HNRNPC: variants seen among roughly 807,000 people sequenced by gnomAD.
HNRNPC encodes heterogeneous nuclear ribonucleoproteins C1/C2.
Under a neutral mutation model 33.2 loss-of-function variants are expected in HNRNPC, and 3 were observed. The ratio of observed to expected loss-of-function variants is 0.09; its 90% CI spans 0.04 to 0.23. HNRNPC has a LOEUF of 0.23. Among genes scored for constraint, HNRNPC ranks in the 10% least tolerant of loss-of-function variants. The probability of loss-of-function intolerance (pLI) is 1.00; values close to 1 mark genes in which losing one functional copy is unlikely to be tolerated. For synonymous variants in HNRNPC, 121 were observed against 126.7 expected (o/e 0.96, Z 0.30); for missense variants, 143 against 366.7 (o/e 0.39, Z 4.98).
intron 1 of HNRNPC, chr14:21,264,885 T>C (rs569403899): frequency 6.6e-6 from 1 of 152,038 alleles, no homozygotes; most frequent in South Asian, 2.1e-4. Flanking sequence ...TAGCAGGGTG[T>C]GGTAGCCTGA....
At chr14:21,211,971 A>G in intron 6 of HNRNPC, 48 bp from the exon 7 acceptor site, 1 of 1,433,824 alleles carries the variant, frequency 7.0e-7, no homozygotes, top group Non-Finnish European at 9.8e-7. Flanking sequence ...TACCGAAGAT[A>G]TGAGTTAGCA....
At chr14:21,233,128 A>G (rs1894299458) in intron 3 of HNRNPC, among the ~76,000 whole-genome samples, 1 of 152,216 alleles carries the variant, frequency 6.6e-6, no homozygotes, top group Non-Finnish European at 1.5e-5. Flanking sequence ...CTCATTTACA[A>G]TTCTGACTTT....
chr14:21,219,108 C>CAA (rs555837563), intron 5 of HNRNPC, among the ~76,000 whole-genome samples: 3,125 of 96,298 alleles, frequency 0.032, 106 homozygotes, highest in African/African-American at 0.088. Context: ...GACTCTTTCT[C>CAA]AAAAAAAAAA....
intron 2 of HNRNPC, among the ~76,000 whole-genome samples, chr14:21,257,346 G>A (rs1484289501): frequency 6.6e-6 from 1 of 151,686 alleles, no homozygotes; most frequent in Non-Finnish European, 1.5e-5. Context: ...AGTTTAACAT[G>A]TAACAGAAAC....
At chr14:21,226,070 C>A (rs372230478) in intron 5 of HNRNPC, among the ~76,000 whole-genome samples, 4 of 152,112 alleles carry the variant, frequency 2.6e-5, no homozygotes, top group African/African-American at 9.6e-5. Flanking sequence ...GTAATCCCAG[C>A]ACTTTGGGAG....
chr14:21,249,604 A>C (rs867802826), intron 2 of HNRNPC, among the ~76,000 whole-genome samples: 1 of 150,744 alleles, frequency 6.6e-6, no homozygotes, highest in Admixed American at 6.6e-5. Context: ...AAAAAAAAAA[A>C]AAAAAAAAAA....
rs1225752731 is a variant in HNRNPC at position 21,218,704 on chromosome 14, A to AAAAAAAAC, written c.366-5588_366-5587insGTTTTTTT. Among the ~76,000 whole-genome samples the AAAAAAAAC allele has an allele frequency of 1.5e-4, 21 of 136,876 alleles. 1 individual carries two copies. Among genetic ancestry groups the AAAAAAAAC allele is most frequent in the African/African-American group, 4.7e-4 (17 of 36,252 alleles). 89.8% of individuals were successfully genotyped at this position (136,876 alleles called of 152,430 possible). A position where few individuals can be genotyped will look rare whatever the true frequency, so the allele number is the denominator to read the frequency against. On this transcript the variant is annotated intron_variant, in intron 5 of 8. Transcript: ENST00000553300. ...CTCAAAAAAAAAAAAAAAAAAAAAA[A>AAAAAAAAC]AAAACTGAAATTGAGTCACATGCAG...
chr14:21,236,975 T>C (rs923883673), intron 2 of HNRNPC, among the ~76,000 whole-genome samples: 5 of 152,152 alleles, frequency 3.3e-5, no homozygotes, highest in African/African-American at 7.2e-5. Flanking sequence ...TGGAGAATAA[T>C]AGACTTAGAA....
intron 2 of HNRNPC, among the ~76,000 whole-genome samples, chr14:21,256,035 A>G (rs774432765): frequency 2.0e-5 from 3 of 152,232 alleles, no homozygotes; most frequent in Non-Finnish European, 4.4e-5. Context: ...GAAGCACAGT[A>G]TATTAACAGC....
At chr14:21,268,397 G>A (rs1245204764) in intron 1 of HNRNPC, among the ~76,000 whole-genome samples, 2 of 152,136 alleles carry the variant, frequency 1.3e-5, no homozygotes, top group Non-Finnish European at 2.9e-5. Context: ...AGCGCAATTT[G>A]GGAATTTCCA....
rs992829365 is a variant in HNRNPC, at chr14:21,211,869, T to C, written c.578A>G (p.Lys193Arg). 3.1e-6 allele frequency: 5 copies of C among 1,613,410 alleles called. No individual in the cohort carries two copies. In the African/African-American group the frequency reaches 5.3e-5, roughly 17 times the overall value. ...IKKELTQIKQKVDSLLENLEK... is the reference protein window; with the variant it reads ...IKKELTQIKQRVDSLLENLEK... The stretch of plus-strand genomic sequence containing the variant: ...CAGGTTTTCCAGGAGAGAATCCACT[T>C]TTTGTTTTATCTGGGTCAGCTCCTT... Residue 193 changes from lysine (K) to arginine (R), a missense_variant, in exon 7 of 9, where the codon AAA becomes AGA. Lys to Arg is a conservative substitution (Grantham distance 26). Around this residue, in one of 2 missense-constraint regions of HNRNPC, gnomAD observed 131 missense variants for 253.0 expected, o/e 0.52. Coordinates refer to ENST00000553300, the MANE Select transcript of HNRNPC (RefSeq NM_004500.4).
intron 1 of HNRNPC, chr14:21,264,357 T>A (rs776966944): frequency 5.3e-5 from 8 of 152,122 alleles, no homozygotes; most frequent in Non-Finnish European, 1.2e-4. Flanking sequence ...GGTTCTACTG[T>A]TAGGGGAAAA....
intron 5 of HNRNPC, among the ~76,000 whole-genome samples, chr14:21,228,325 A>G (rs1594237038): frequency 6.6e-6 from 1 of 152,210 alleles, no homozygotes; most frequent in African/African-American, 2.4e-5. Flanking sequence ...CAATTTCAGG[A>G]ATAAATGGGC....
intron 5 of HNRNPC, among the ~76,000 whole-genome samples, chr14:21,223,463 G>T (rs979637247): frequency 2.0e-5 from 3 of 152,038 alleles, no homozygotes; most frequent in African/African-American, 7.3e-5. Context: ...CAAAATTTAA[G>T]TCCAGCCAGA....
At position 21,209,635 on chromosome 14, in the gene HNRNPC, A is replaced by AATAGAAG. The variant is rs1891417441; in HGVS notation, c.*1587_*1588insCTTCTAT. On this transcript the variant is annotated 3_prime_UTR_variant, in exon 9 of 9. Coordinates refer to ENST00000553300, the MANE Select transcript of HNRNPC (RefSeq NM_004500.4). Reference sequence around the variant, plus strand: ...TTCTTTTCTGCTTTTGTCACCTGTTACAGAAAATGATCTATAAAATCCTCA... The same window carrying AATAGAAG: ...TTCTTTTCTGCTTTTGTCACCTGTTAATAGAAGCAGAAAATGATCTATAAAATCCTCA... 1.3e-5 allele frequency: 2 copies of AATAGAAG among 152,194 alleles called. No homozygotes were observed. The highest frequency in any genetic ancestry group is 4.8e-5 in the African/African-American group (2 of 41,442). The allele number at this position is 152,194 out of a possible 1,614,324, so 9.4% of individuals were successfully genotyped here. A position where few individuals can be genotyped will look rare whatever the true frequency, so the allele number is the denominator to read the frequency against.
In HNRNPC at chr14:21,209,629, C is replaced by T. The variant is rs1217904883; in HGVS notation, c.*1594G>A. On this transcript the variant is annotated 3_prime_UTR_variant, in exon 9 of 9. Transcript: ENST00000553300. ...TCTTCATTCTTTTCTGCTTTTGTCACCTGTTACAGAAAATGATCTATAAAA... is the reference window on the plus strand; with the variant it reads ...TCTTCATTCTTTTCTGCTTTTGTCATCTGTTACAGAAAATGATCTATAAAA... 1 of 152,124 alleles carries T rather than the reference C, an allele frequency of 6.6e-6. No individual in the cohort carries two copies. Among genetic ancestry groups the T allele is most frequent in the Non-Finnish European group, 1.5e-5 (1 of 68,026 alleles). The allele number at this position is 152,124 out of a possible 1,614,324, so 9.4% of individuals were successfully genotyped here.
At chr14:21,267,283 T>C (rs1879184170) in intron 1 of HNRNPC, among the ~76,000 whole-genome samples, 1 of 152,148 alleles carries the variant, frequency 6.6e-6, no homozygotes, top group African/African-American at 2.4e-5. Flanking sequence ...TCCTAACTCC[T>C]AGGCAAACTT....
chr14:21,233,811 C>T, intron 3 of HNRNPC, 142 bp downstream of exon 3: 1 of 1,026,236 alleles, frequency 9.7e-7, no homozygotes, highest in East Asian at 2.6e-5. Flanking sequence ...TAACTATAAG[C>T]CTAATGTATT....
rs939979097 is a variant in HNRNPC at position 21,210,545 on chromosome 14, GTTT to G, written c.*675_*677del. ...TAAAATACAAAAATAAAAAACCAGG[GTTT>G]TTTTTTTCTCCAAATTCCTGGTTTA... On this transcript the variant is annotated 3_prime_UTR_variant, in exon 9 of 9. Coordinates refer to ENST00000553300, the MANE Select transcript of HNRNPC (RefSeq NM_004500.4). 2 of 147,874 alleles carry G rather than the reference GTTT, an allele frequency of 1.4e-5. No individual in the cohort carries two copies. The highest frequency in any genetic ancestry group is 5.0e-5 in the African/African-American group (2 of 40,034). The allele number at this position is 147,874 out of a possible 1,614,324, so 9.2% of individuals were successfully genotyped here.
Sources: allele counts gnomAD v4.1 joint callset (sites outside exome capture counted in the v4.1 genomes callset), GRCh38; gene constraint gnomAD v4.1.1; regional missense constraint gnomAD v4.1.1; transcripts MANE v1.5; gene names NCBI Gene and HGNC (gene_info 2026-07-23, HGNC 2026-07-21).